Variants in MAST4 observed in about 807,000 individuals in gnomAD.
MAST4 encodes the protein microtubule-associated serine/threonine-protein kinase 4.
MAST4 carries 89 observed loss-of-function variants against 162.7 expected under a neutral mutation model. The observed-to-expected ratio is 0.55, with a 90% CI of 0.46 to 0.65. MAST4 has a LOEUF of 0.65. MAST4 is among the 30% of genes least tolerant of loss of function. The pLI, the probability that MAST4 is intolerant of heterozygous loss-of-function variation, is 0.00. For synonymous variants in MAST4, 1,479 were observed against 1,361.1 expected, an observed-to-expected ratio of 1.09 and a Z score of -1.91; for missense variants, 3,153 against 3,374.0, an observed-to-expected ratio of 0.93 and a Z score of 1.62.
chr5:66,787,183 T>A (rs1755158070), intron 2 of MAST4, among the ~76,000 whole-genome samples: 1 of 152,328 alleles, frequency 6.6e-6, no homozygotes. Context: ...ACTTACAAAA[T>A]TCTCTGATCC....
At chr5:67,157,017 T>C (rs1353813316) in intron 26 of MAST4, among the ~76,000 whole-genome samples, 6 of 152,366 alleles carry the variant, frequency 3.9e-5, no homozygotes, top group African/African-American at 1.4e-4. Context: ...GTCTGCCAGC[T>C]GCATTTTTGT....
chr5:66,624,157 T>C (rs1026961052), intron 1 of MAST4, among the ~76,000 whole-genome samples: 1 of 138,144 alleles, frequency 7.2e-6, no homozygotes, highest in Non-Finnish European at 1.6e-5. Context: ...TTTTTTTTTT[T>C]TTTTTTTTTT....
At chr5:67,030,480 C>A (rs965929242) in intron 4 of MAST4, among the ~76,000 whole-genome samples, 11 of 152,184 alleles carry the variant, frequency 7.2e-5, no homozygotes, top group African/African-American at 2.6e-4. Context: ...AAAAATAGAT[C>A]ATCTGAGTGA....
intron 1 of MAST4, among the ~76,000 whole-genome samples, chr5:66,727,553 T>G (rs1751598809): frequency 6.6e-6 from 1 of 152,198 alleles, no homozygotes; most frequent in Non-Finnish European, 1.5e-5. Flanking sequence ...CCAAGTTCAG[T>G]GCACTATAGA....
chr5:67,165,576 A>G lies in MAST4; in HGVS notation c.6397A>G (p.Ile2133Val), dbSNP rs199583818. ...GCCTCTACAAAGGCATCCCAGCAGC[A>G]TCCCTCCGCCCCCTCTGACGGCCAA... Reference protein sequence around the residue: ...EQPLQRHPSSIPPPPLTAKDL... With the variant: ...EQPLQRHPSSVPPPPLTAKDL... The change falls in exon 29 of 29, where the codon ATC (isoleucine) becomes GTC (valine). Residue 2133 changes from isoleucine (I) to valine (V), a missense_variant. Ile to Val is a conservative substitution (Grantham distance 29, BLOSUM62 3). Coordinates refer to ENST00000403625, the MANE Select transcript of MAST4 (RefSeq NM_001164664.2). 32 of 1,613,924 alleles carry G rather than the reference A, an allele frequency of 2.0e-5. No homozygotes were observed. The Admixed American group carries it at 3.5e-4, about 18-fold the overall frequency.
intron 21 of MAST4, among the ~76,000 whole-genome samples, chr5:67,143,725 G>C (rs554315403): frequency 6.6e-6 from 1 of 152,314 alleles, no homozygotes; most frequent in South Asian, 2.1e-4. Context: ...TAGCCAGTCT[G>C]TCCTAGAGCC....
At chr5:66,821,347 CTTTAT>C (rs1033327778) in intron 3 of MAST4, among the ~76,000 whole-genome samples, 35 of 152,282 alleles carry the variant, frequency 2.3e-4, no homozygotes, top group African/African-American at 7.9e-4. Context: ...GAGGTTAGAA[CTTTAT>C]TTTAAAATTT....
At chr5:67,142,659 C>A in intron 21 of MAST4, 126 bp downstream of exon 21, 1 of 653,502 alleles carries the variant, frequency 1.5e-6, no homozygotes, top group Non-Finnish European at 2.6e-6. Flanking sequence ...GCTTAAACTT[C>A]CTTTTGTTGA....
intron 4 of MAST4, among the ~76,000 whole-genome samples, chr5:66,992,385 G>A (rs529161471): frequency 2.0e-5 from 3 of 152,254 alleles, no homozygotes; most frequent in African/African-American, 7.2e-5. Context: ...AAGAATTAGG[G>A]AGATGGAGTG....
chr5:66,850,710 T>A (rs1333911221), intron 3 of MAST4, among the ~76,000 whole-genome samples: 2 of 152,186 alleles, frequency 1.3e-5, no homozygotes, highest in Non-Finnish European at 2.9e-5. Context: ...TCTCATTATA[T>A]GCAAATATTC....
At chr5:66,871,360 T>C (rs1205909920) in intron 3 of MAST4, among the ~76,000 whole-genome samples, 1 of 152,230 alleles carries the variant, frequency 6.6e-6, no homozygotes, top group African/African-American at 2.4e-5. Flanking sequence ...GTAATGGCTA[T>C]TTTTAACAAC....
At chr5:67,026,925 G>T (rs1230447462) in intron 4 of MAST4, among the ~76,000 whole-genome samples, 2 of 151,990 alleles carry the variant, frequency 1.3e-5, no homozygotes, top group Non-Finnish European at 2.9e-5. Context: ...TCTTTGAAAA[G>T]AAATCAGGTT....
chr5:66,826,607 C>A lies in MAST4; in HGVS notation c.642+37813C>A, dbSNP rs148026185. Among the ~76,000 whole-genome samples the A allele has an allele frequency of 1.5e-3, 227 of 152,170 alleles. 3 individuals carry two copies. The highest frequency in any genetic ancestry group is 5.0e-3 in the Admixed American group (77 of 15,276). On this transcript the variant is annotated intron_variant, in intron 3 of 28. Coordinates refer to ENST00000403625, the MANE Select transcript of MAST4 (RefSeq NM_001164664.2). ...AAAACTGGTTTGTCCTCCCACCACCCCCCCCAATCCCCCGTCTCTTTCTCT... is the reference window on the plus strand; with the variant it reads ...AAAACTGGTTTGTCCTCCCACCACCACCCCCAATCCCCCGTCTCTTTCTCT...
At chr5:66,769,563 C>T (rs916892687) in intron 2 of MAST4, among the ~76,000 whole-genome samples, 13 of 152,332 alleles carry the variant, frequency 8.5e-5, no homozygotes, top group South Asian at 6.2e-4. Flanking sequence ...TCCTGGGTCA[C>T]GCATCTTTAC....
At chr5:66,697,053 C>T (rs79971038) in intron 1 of MAST4, among the ~76,000 whole-genome samples, 106 of 152,294 alleles carry the variant, frequency 7.0e-4, no homozygotes, top group Admixed American at 2.5e-3. Context: ...CTTGTGCGAT[C>T]GGTGGACAGA....
intron 3 of MAST4, among the ~76,000 whole-genome samples, chr5:66,806,919 GT>G (rs1313838864): frequency 6.6e-6 from 1 of 152,004 alleles, no homozygotes; most frequent in Non-Finnish European, 1.5e-5. Flanking sequence ...TTCCTTTCCT[GT>G]GGTTCATAAT....
intron 1 of MAST4, among the ~76,000 whole-genome samples, chr5:66,655,313 C>T (rs770100483): frequency 1.2e-4 from 18 of 151,966 alleles, no homozygotes; most frequent in African/African-American, 2.9e-4. Flanking sequence ...TTGAAGGAGT[C>T]GAAAGAAATG....
At chr5:66,697,367 AGACT>A (rs1386737168) in intron 1 of MAST4, among the ~76,000 whole-genome samples, 1 of 152,254 alleles carries the variant, frequency 6.6e-6, no homozygotes, top group Non-Finnish European at 1.5e-5. Flanking sequence ...AATGCAAGAT[AGACT>A]AATACATTAA....
chr5:66,687,618 A>G (rs944686168), intron 1 of MAST4, among the ~76,000 whole-genome samples: 4 of 142,190 alleles, frequency 2.8e-5, no homozygotes, highest in African/African-American at 1.1e-4. Flanking sequence ...ATATATGTAT[A>G]CATAGATGTG....
Sources: allele counts gnomAD v4.1 joint callset (sites outside exome capture counted in the v4.1 genomes callset), GRCh38; gene constraint gnomAD v4.1.1; transcripts MANE v1.5; gene names NCBI Gene and HGNC (gene_info 2026-07-23, HGNC 2026-07-21).